THSD7B: variants seen among roughly 807,000 people sequenced by gnomAD.
THSD7B encodes thrombospondin type-1 domain-containing protein 7B.
In THSD7B, 138 loss-of-function variants were observed where a neutral mutation model predicts 213.6. The observed-to-expected ratio is 0.65, with a 90% CI of 0.56 to 0.74. The LOEUF is 0.74. Among genes scored for constraint, THSD7B ranks in the 30% least tolerant of loss-of-function variants. THSD7B has a pLI of 0.00. For synonymous variants in THSD7B, 742 were observed against 687.0 expected, an observed-to-expected ratio of 1.08 and a Z score of -1.25; for missense variants, 1,931 against 1,991.5, an observed-to-expected ratio of 0.97 and a Z score of 0.58.
At chr2:137,523,264 C>T (rs1680219943) in intron 15 of THSD7B, among the ~76,000 whole-genome samples, 1 of 152,160 alleles carries the variant, frequency 6.6e-6, no homozygotes, top group African/African-American at 2.4e-5. Context: ...AGATGTTTTT[C>T]CTGTGCTCAT....
intron 20 of THSD7B, among the ~76,000 whole-genome samples, chr2:137,630,883 G>A (rs1019337078): frequency 3.3e-5 from 5 of 152,158 alleles, no homozygotes; most frequent in African/African-American, 9.7e-5. Context: ...GTTCTCAGCT[G>A]ATGTCTTTAT....
intron 12 of THSD7B, among the ~76,000 whole-genome samples, chr2:137,388,629 GT>G (rs1351071255): frequency 1.3e-5 from 2 of 151,886 alleles, no homozygotes; most frequent in African/African-American, 4.8e-5. Context: ...CTAATTATAT[GT>G]TTGTACCCAT....
chr2:137,297,562 A>T (rs1382292522), intron 12 of THSD7B, among the ~76,000 whole-genome samples: 1 of 151,922 alleles, frequency 6.6e-6, no homozygotes, highest in Non-Finnish European at 1.5e-5. Context: ...TTCCATCATG[A>T]CTCACCGAAT....
intron 12 of THSD7B, among the ~76,000 whole-genome samples, chr2:137,314,845 G>T (rs1199509455): frequency 6.6e-6 from 1 of 152,230 alleles, no homozygotes; most frequent in Non-Finnish European, 1.5e-5. Flanking sequence ...GGACCCACTT[G>T]AGGTGGCAGT....
chr2:137,579,020 T>G (rs1681521039), intron 17 of THSD7B, among the ~76,000 whole-genome samples: 2 of 152,174 alleles, frequency 1.3e-5, no homozygotes, highest in Admixed American at 6.5e-5. Context: ...TTGGAATCAT[T>G]GCAGTTTTCA....
intron 15 of THSD7B, among the ~76,000 whole-genome samples, chr2:137,460,890 A>G (rs1687870626): frequency 6.6e-6 from 1 of 152,164 alleles, no homozygotes; most frequent in South Asian, 2.1e-4. Flanking sequence ...ACCAAATATA[A>G]CTACTATTCA....
At chr2:137,671,235 CT>C (rs1281875074) in intron 27 of THSD7B, among the ~76,000 whole-genome samples, 146 of 52,952 alleles carry the variant, frequency 2.8e-3, no homozygotes, top group Middle Eastern at 0.012. Context: ...TTATGATTTG[CT>C]TTTTTTTTTT....
At chr2:137,073,902 A>C (rs1687557205) in intron 3 of THSD7B, among the ~76,000 whole-genome samples, 1 of 152,136 alleles carries the variant, frequency 6.6e-6, no homozygotes, top group Non-Finnish European at 1.5e-5. Context: ...GTTTTGAGTG[A>C]ATTTCTTAAT....
intron 2 of THSD7B, among the ~76,000 whole-genome samples, chr2:136,908,633 T>A (rs1684207875): frequency 1.3e-5 from 2 of 152,138 alleles, no homozygotes; most frequent in African/African-American, 4.8e-5. Flanking sequence ...TATTTACCAA[T>A]AATACACAAT....
At chr2:136,861,436 A>T (rs1162983301) in intron 1 of THSD7B, among the ~76,000 whole-genome samples, 1 of 152,214 alleles carries the variant, frequency 6.6e-6, no homozygotes, top group Non-Finnish European at 1.5e-5. Flanking sequence ...AGACAACTCC[A>T]CAATAAACAT....
intron 3 of THSD7B, among the ~76,000 whole-genome samples, chr2:137,071,969 C>G (rs1687499377): frequency 6.6e-6 from 1 of 152,094 alleles, no homozygotes; most frequent in Non-Finnish European, 1.5e-5. Flanking sequence ...TGGTCTATAT[C>G]TCTGTTTTGG....
At chr2:137,276,144 C>A in intron 12 of THSD7B, 118 bp downstream of exon 12, 1 of 727,144 alleles carries the variant, frequency 1.4e-6, no homozygotes, top group Non-Finnish European at 2.2e-6. Flanking sequence ...TTGAATTATT[C>A]ATATTTATTG....
At chr2:137,602,376 TC>T (rs1198806276) in intron 17 of THSD7B, among the ~76,000 whole-genome samples, 20 of 152,184 alleles carry the variant, frequency 1.3e-4, no homozygotes, top group African/African-American at 4.8e-4. Flanking sequence ...TTCAAGCGAT[TC>T]CCCTGCCTCA....
intron 12 of THSD7B, among the ~76,000 whole-genome samples, chr2:137,344,654 A>G (rs1684836050): frequency 6.6e-6 from 1 of 151,648 alleles, no homozygotes; most frequent in Admixed American, 6.6e-5. Flanking sequence ...AGATATCACC[A>G]GTTTGGACGA....
At chr2:137,425,343 A>C (rs949068453) in intron 14 of THSD7B, among the ~76,000 whole-genome samples, 1 of 151,750 alleles carries the variant, frequency 6.6e-6, no homozygotes, top group East Asian at 1.9e-4. Flanking sequence ...CAGCCTCCTG[A>C]GTAGCTGGGA....
intron 2 of THSD7B, among the ~76,000 whole-genome samples, chr2:136,971,156 G>A (rs13397941): frequency 0.078 from 11,802 of 152,128 alleles, 574 homozygotes; most frequent in East Asian, 0.21. Flanking sequence ...TGTGATGGGC[G>A]GTTATAGAAC....
chr2:137,332,422 G>A (rs932451864), intron 12 of THSD7B, among the ~76,000 whole-genome samples: 2 of 152,150 alleles, frequency 1.3e-5, no homozygotes, highest in Admixed American at 6.5e-5. Flanking sequence ...CCTGCATTGC[G>A]TCTAGGAAGT....
chr2:137,191,642 T>C (rs1680661711), intron 7 of THSD7B, among the ~76,000 whole-genome samples: 1 of 151,976 alleles, frequency 6.6e-6, no homozygotes, highest in African/African-American at 2.4e-5. Context: ...CATGGCCCCA[T>C]GGCTGCCCAC....
chr2:136,812,271 C>T (rs926535219), intron 1 of THSD7B, among the ~76,000 whole-genome samples: 2 of 152,146 alleles, frequency 1.3e-5, no homozygotes, highest in African/African-American at 4.8e-5. Context: ...TGGCCAACAC[C>T]TTACCATGTT....
Sources: gnomAD v4.1 joint callset for allele counts (sites outside exome capture counted in the v4.1 genomes callset) on GRCh38, gnomAD v4.1.1 for gene constraint, MANE v1.5 for transcripts, NCBI Gene and HGNC (gene_info 2026-07-23, HGNC 2026-07-21) for gene names.